EPB41L4A: variants seen among roughly 807,000 people sequenced by gnomAD.
EPB41L4A encodes erythrocyte membrane protein band 4.1 like 4A.
In EPB41L4A, 100 loss-of-function variants were observed where a neutral mutation model predicts 108.6. That is an observed-to-expected ratio of 0.92 (90% confidence interval 0.78 to 1.09). EPB41L4A has a LOEUF of 1.09. Ranked by LOEUF, EPB41L4A falls within the 50% of genes least tolerant of loss-of-function variation. The pLI is 0.00. For missense variants in EPB41L4A, 1,030 were observed against 842.7 expected, an observed-to-expected ratio of 1.22 and a Z score of -2.75; for synonymous variants, 319 against 289.0, an observed-to-expected ratio of 1.10 and a Z score of -1.05.
chr5:112,371,165 G>A (rs1338648490), intron 1 of EPB41L4A, among the ~76,000 whole-genome samples: 2 of 152,178 alleles, frequency 1.3e-5, no homozygotes, highest in African/African-American at 4.8e-5. Context: ...CCTTGTGTGT[G>A]TATTTACATT....
downstream of EPB41L4A, among the ~76,000 whole-genome samples, chr5:112,159,210 C>T (rs1466916214): frequency 6.6e-6 from 1 of 151,856 alleles, no homozygotes; most frequent in Non-Finnish European, 1.5e-5. Flanking sequence ...GATTGAGATA[C>T]AAAAAGCTGT....
At chr5:112,361,707 AAAAAATAATAAT>A (rs1758774195) in intron 1 of EPB41L4A, among the ~76,000 whole-genome samples, 1 of 76,116 alleles carries the variant, frequency 1.3e-5, no homozygotes, top group Non-Finnish European at 2.8e-5. Context: ...AAATGCTAAA[AAAAAATAATAAT>A]AATAATAATA....
chr5:112,273,177 G>A (rs749006994), intron 4 of EPB41L4A, among the ~76,000 whole-genome samples: 3 of 152,160 alleles, frequency 2.0e-5, no homozygotes, highest in Non-Finnish European at 2.9e-5. Context: ...ATATATCAAT[G>A]TATTAAACGC....
intron 1 of EPB41L4A, among the ~76,000 whole-genome samples, chr5:112,320,268 A>C (rs1199980834): frequency 6.6e-6 from 1 of 152,128 alleles, no homozygotes; most frequent in Non-Finnish European, 1.5e-5. Context: ...GTGTGAGAAA[A>C]GAGGAAGGAG....
chr5:112,385,338 C>CAT (rs1448413234), intron 1 of EPB41L4A, among the ~76,000 whole-genome samples: 2 of 151,980 alleles, frequency 1.3e-5, no homozygotes, highest in Non-Finnish European at 2.9e-5. Flanking sequence ...AAAGTATGGG[C>CAT]ATAGTATGGA....
chr5:112,229,511 C>G (rs1748712936), intron 12 of EPB41L4A, among the ~76,000 whole-genome samples: 1 of 152,084 alleles, frequency 6.6e-6, no homozygotes, highest in Non-Finnish European at 1.5e-5. Flanking sequence ...GCCCTCATCA[C>G]CCAAGCAGTG....
chr5:112,299,229 T>G (rs1390783542), intron 2 of EPB41L4A, among the ~76,000 whole-genome samples: 1 of 152,202 alleles, frequency 6.6e-6, no homozygotes, highest in Non-Finnish European at 1.5e-5. Flanking sequence ...CCTTGAGGTG[T>G]GACCATAGAT....
At chr5:112,225,178 G>A (rs906938312) in intron 12 of EPB41L4A, among the ~76,000 whole-genome samples, 5 of 152,204 alleles carry the variant, frequency 3.3e-5, no homozygotes, top group Middle Eastern at 3.4e-3. Context: ...ACTTCTTTGG[G>A]TGAAAAACAC....
intron 1 of EPB41L4A, among the ~76,000 whole-genome samples, chr5:112,384,068 A>C (rs1187168312): frequency 6.6e-6 from 1 of 152,228 alleles, no homozygotes; most frequent in Non-Finnish European, 1.5e-5. Context: ...ATGCAAATCT[A>C]GAGAGACAGG....
intron 18 of EPB41L4A, among the ~76,000 whole-genome samples, chr5:112,171,304 C>T (rs565926475): frequency 1.3e-5 from 2 of 152,294 alleles, no homozygotes; most frequent in African/African-American, 2.4e-5. Flanking sequence ...TGATTCAGGG[C>T]GTCTGTTTCT....
chr5:112,414,280 A>G lies in EPB41L4A; in HGVS notation c.99+4661T>C, dbSNP rs549831353. The stretch of plus-strand genomic sequence containing the variant: ...CACCATTCCAAAAGAGGGGGAAAAA[A>G]GAAAAAATAGAAGGCATCTAAAAGT... On this transcript the variant is annotated intron_variant, in intron 1 of 22. Coordinates refer to ENST00000261486, the MANE Select transcript of EPB41L4A (RefSeq NM_022140.5). Among the ~76,000 whole-genome samples, 16 of 152,310 alleles carry G rather than the reference A, an allele frequency of 1.1e-4. No homozygotes were observed. In the East Asian group the frequency reaches 1.2e-3, roughly 11 times the overall value.
intron 11 of EPB41L4A, among the ~76,000 whole-genome samples, chr5:112,237,638 T>G (rs1749445452): frequency 6.6e-6 from 1 of 152,222 alleles, no homozygotes; most frequent in Admixed American, 6.5e-5. Flanking sequence ...AGAGCTCTGC[T>G]TTCATTCCAG....
chr5:112,314,504 C>CT (rs1755281810), intron 1 of EPB41L4A, among the ~76,000 whole-genome samples: 1 of 41,824 alleles, frequency 2.4e-5, no homozygotes, highest in Non-Finnish European at 4.0e-5. Flanking sequence ...CCCATCGCTA[C>CT]TAAAAAAAAA....
At chr5:112,323,426 C>G (rs1755939204) in intron 1 of EPB41L4A, among the ~76,000 whole-genome samples, 1 of 152,200 alleles carries the variant, frequency 6.6e-6, no homozygotes, top group Non-Finnish European at 1.5e-5. Flanking sequence ...CAACTGTCTA[C>G]ATTAACATGA....
intron 1 of EPB41L4A, among the ~76,000 whole-genome samples, chr5:112,385,542 C>G (rs1269809440): frequency 6.6e-6 from 1 of 150,680 alleles, no homozygotes; most frequent in Non-Finnish European, 1.5e-5. Context: ...ATCCCATTAC[C>G]TAAAGCCAAA....
At chr5:112,241,191 T>C (rs890649993) in intron 9 of EPB41L4A, among the ~76,000 whole-genome samples, 3 of 152,054 alleles carry the variant, frequency 2.0e-5, no homozygotes, top group African/African-American at 2.4e-5. Flanking sequence ...ATCCAGTCCT[T>C]AAGTGTATTA....
At chr5:112,416,756 G>C (rs893105720) in intron 1 of EPB41L4A, among the ~76,000 whole-genome samples, 3 of 152,114 alleles carry the variant, frequency 2.0e-5, no homozygotes, top group African/African-American at 7.2e-5. Context: ...AGGAAGGTTA[G>C]GAAAAAGTTT....
intron 9 of EPB41L4A, among the ~76,000 whole-genome samples, chr5:112,258,079 C>A (rs1751236419): frequency 6.6e-6 from 1 of 152,206 alleles, no homozygotes; most frequent in Non-Finnish European, 1.5e-5. Flanking sequence ...CCCTTCCTTA[C>A]AAGTTGTTAA....
At chr5:112,225,843 C>T (rs1748412185) in intron 12 of EPB41L4A, among the ~76,000 whole-genome samples, 1 of 152,230 alleles carries the variant, frequency 6.6e-6, no homozygotes, top group Non-Finnish European at 1.5e-5. Flanking sequence ...ATATTGTAGA[C>T]TGTAACTGAC....
Sources: allele counts gnomAD v4.1 joint callset (sites outside exome capture counted in the v4.1 genomes callset), GRCh38; gene constraint gnomAD v4.1.1; transcripts MANE v1.5; gene names NCBI Gene and HGNC (gene_info 2026-07-23, HGNC 2026-07-21).